NOL4L: variants seen among roughly 807,000 people sequenced by gnomAD.
The protein encoded by NOL4L is nucleolar protein 4 like, also known as nucleolar protein 4-like.
In NOL4L, 7 loss-of-function variants were observed where a neutral mutation model predicts 64.5. The ratio of observed to expected loss-of-function variants is 0.11; its 90% CI spans 0.06 to 0.20. The LOEUF (loss-of-function observed/expected upper bound fraction) is 0.20, where lower values mean the gene tolerates loss of function less well. Among genes scored for constraint, NOL4L ranks in the 10% least tolerant of loss-of-function variants. NOL4L has a pLI of 1.00. For missense variants in NOL4L, 680 were observed against 967.1 expected, an observed-to-expected ratio of 0.70 and a Z score of 3.94; for synonymous variants, 413 against 401.0, an observed-to-expected ratio of 1.03 and a Z score of -0.36.
intron 4 of NOL4L, among the ~76,000 whole-genome samples, chr20:32,487,512 C>T (rs1362607652): frequency 6.6e-6 from 1 of 151,694 alleles, no homozygotes; most frequent in African/African-American, 2.4e-5. Flanking sequence ...GACCTGGGGG[C>T]ACTGTCTTCC....
intron 4 of NOL4L, among the ~76,000 whole-genome samples, chr20:32,484,231 T>G (rs2015941009): frequency 6.6e-6 from 1 of 152,048 alleles, no homozygotes; most frequent in Admixed American, 6.5e-5. Context: ...CTGCCGGGCC[T>G]CGGGGTTCGG....
chr20:32,535,026 G>C (rs922419452), intron 1 of NOL4L, among the ~76,000 whole-genome samples: 1 of 152,042 alleles, frequency 6.6e-6, no homozygotes, highest in Non-Finnish European at 1.5e-5. Context: ...GCCCCACAGG[G>C]AAAGGAAGGA....
chr20:32,449,007 G>T (rs979233730), intron 10 of NOL4L, among the ~76,000 whole-genome samples: 5 of 152,216 alleles, frequency 3.3e-5, no homozygotes, highest in African/African-American at 1.2e-4. Flanking sequence ...AGGCCTGACT[G>T]CCTAGACTGG....
chr20:32,568,699 C>A (rs1367457384), intron 1 of NOL4L, among the ~76,000 whole-genome samples: 1 of 152,220 alleles, frequency 6.6e-6, no homozygotes, highest in Non-Finnish European at 1.5e-5. Flanking sequence ...CCTGCCCGAC[C>A]TGGGCTTCCC....
intron 1 of NOL4L, among the ~76,000 whole-genome samples, chr20:32,569,609 C>T (rs1429609390): frequency 6.6e-6 from 1 of 152,120 alleles, no homozygotes; most frequent in East Asian, 1.9e-4. Flanking sequence ...GCATGGGGGA[C>T]TCCAGGCAGA....
intron 3 of NOL4L, among the ~76,000 whole-genome samples, chr20:32,513,129 G>A (rs2017483541): frequency 6.6e-6 from 1 of 152,166 alleles, no homozygotes; most frequent in African/African-American, 2.4e-5. Flanking sequence ...CTGATGGGCT[G>A]GGATTTCCAT....
Position 32,518,992 on chromosome 20 carries a change from G to A in NOL4L, c.589+1819C>T, listed in dbSNP as rs576123760. On this transcript the variant is annotated intron_variant, in intron 3 of 10. Coordinates refer to ENST00000621426, the MANE Select transcript of NOL4L (RefSeq NM_001256798.2). ...CTCTCTCTTCCTGCACCAATGCCAG[G>A]TACAGGGACTAACCCATATCTTGTC... is the stretch of plus-strand genomic sequence containing the variant. 2.6e-5 allele frequency among the ~76,000 whole-genome samples: 4 copies of A among 152,332 alleles called. No homozygotes were observed. In the East Asian group the frequency reaches 7.7e-4, roughly 29 times the overall value.
intron 2 of NOL4L, among the ~76,000 whole-genome samples, chr20:32,521,552 C>A (rs903299522): frequency 1.3e-5 from 2 of 152,214 alleles, no homozygotes; most frequent in Non-Finnish European, 2.9e-5. Flanking sequence ...CCAGACTAAA[C>A]CCCATGTTCC....
chr20:32,465,068 G>A (rs1346491181), intron 5 of NOL4L: 2 of 607,138 alleles, frequency 3.3e-6, no homozygotes, highest in East Asian at 3.3e-5. Context: ...AGGTGTCCAA[G>A]CTGCAGATGA....
intron 1 of NOL4L, among the ~76,000 whole-genome samples, chr20:32,543,800 A>C (rs1427033140): frequency 1.4e-5 from 2 of 141,374 alleles, no homozygotes; most frequent in African/African-American, 2.6e-5. Flanking sequence ...AGAAAAAAAC[A>C]AAAAAAAAAA....
At chr20:32,578,160 G>GAGGGAGGA (rs1980246529) in intron 1 of NOL4L, among the ~76,000 whole-genome samples, 4 of 134,352 alleles carry the variant, frequency 3.0e-5, no homozygotes, top group African/African-American at 1.1e-4. Flanking sequence ...GGGAGGGAGG[G>GAGGGAGGA]AGGGAGGGAG....
At chr20:32,470,219 C>T (rs116519131) in intron 5 of NOL4L, among the ~76,000 whole-genome samples, 1,737 of 152,370 alleles carry the variant, frequency 0.011, 42 homozygotes, top group African/African-American at 0.04. Flanking sequence ...GCCAGACGGG[C>T]CTCACATTTT....
At chr20:32,455,127 A>G (rs1201802896) in intron 6 of NOL4L, among the ~76,000 whole-genome samples, 1 of 152,260 alleles carries the variant, frequency 6.6e-6, no homozygotes, top group Non-Finnish European at 1.5e-5. Flanking sequence ...CAGGGCAGAC[A>G]GATGGAGAAA....
intron 4 of NOL4L, among the ~76,000 whole-genome samples, chr20:32,498,501 G>A (rs2016785074): frequency 6.6e-6 from 1 of 151,986 alleles, no homozygotes; most frequent in East Asian, 1.9e-4. Flanking sequence ...GGTGGCTCAT[G>A]CCTGTCATTC....
intron 3 of NOL4L, among the ~76,000 whole-genome samples, chr20:32,513,800 G>A (rs1321000366): frequency 1.3e-5 from 2 of 152,068 alleles, no homozygotes; most frequent in African/African-American, 4.8e-5. Context: ...AGGACGTTGA[G>A]GCAGCACTGC....
chr20:32,456,163 G>A lies in NOL4L; in HGVS notation c.1074C>T (p.Asp358=), dbSNP rs753806615. 20 of 1,577,770 alleles carry A rather than the reference G, an allele frequency of 1.3e-5. No homozygotes were observed. Among genetic ancestry groups the A allele is most frequent in the South Asian group, 8.1e-5 (7 of 86,540 alleles). Residue 358 remains aspartate, a synonymous_variant, in exon 6 of 11, where the codon GAC becomes GAT. Coordinates refer to ENST00000621426, the MANE Select transcript of NOL4L (RefSeq NM_001256798.2). ...ASYPSDGCGA[D]GLRSRVKYGV... ...CGTATTTGACGCGGCTCCGCAGCCC[G>A]TCGGCACCGCAGCCATCCGAGGGGT... is the stretch of plus-strand genomic sequence containing the variant.
At chr20:32,493,046 T>C (rs574274552) in intron 4 of NOL4L, among the ~76,000 whole-genome samples, 2 of 152,248 alleles carry the variant, frequency 1.3e-5, no homozygotes, top group South Asian at 4.1e-4. Context: ...GGCCAAGACC[T>C]GGGAATGGGC....
intron 1 of NOL4L, among the ~76,000 whole-genome samples, chr20:32,528,629 T>G (rs1039545235): frequency 6.6e-6 from 1 of 152,132 alleles, no homozygotes; most frequent in Admixed American, 6.5e-5. Context: ...GGTCCTTCAA[T>G]AGCAAACAGC....
intron 4 of NOL4L, among the ~76,000 whole-genome samples, chr20:32,501,739 T>C (rs1302714870): frequency 2.0e-5 from 3 of 152,064 alleles, no homozygotes; most frequent in South Asian, 2.1e-4. Flanking sequence ...GGAGTGGAGT[T>C]AGCCTTTTTA....
Sources: gnomAD v4.1 joint callset for allele counts (sites outside exome capture counted in the v4.1 genomes callset) on GRCh38, gnomAD v4.1.1 for gene constraint, MANE v1.5 for transcripts, NCBI Gene and HGNC (gene_info 2026-07-23, HGNC 2026-07-21) for gene names.